The following POU2AF2 variants were observed in gnomAD, a reference collection of about 807,000 sequenced individuals.
POU2AF2 encodes POU domain class 2-associating factor 2.
chr11:111,281,286 C>G, the POU2AF2 span: 1 of 815,904 alleles, frequency 1.2e-6, no homozygotes, highest in Non-Finnish European at 1.9e-6. Flanking sequence ...ACCCAACTCC[C>G]CAGATAATAC....
At chr11:111,252,453 C>T in the POU2AF2 span, among the ~76,000 whole-genome samples, 3 of 152,062 alleles carry the variant, frequency 2.0e-5, no homozygotes, top group African/African-American at 7.2e-5. Context: ...TTGAGAATCA[C>T]CGACGTATAT....
At chr11:111,260,076 G>A in the POU2AF2 span, among the ~76,000 whole-genome samples, 1 of 152,160 alleles carries the variant, frequency 6.6e-6, no homozygotes. Flanking sequence ...TGTCCCTGTT[G>A]CAAACGCAAT....
At chr11:111,271,782 G>A in the POU2AF2 span, among the ~76,000 whole-genome samples, 5 of 152,110 alleles carry the variant, frequency 3.3e-5, no homozygotes, top group South Asian at 2.1e-4. Flanking sequence ...GGAGGCCAAC[G>A]TGGGTGGATC....
chr11:111,283,060 T>TA, the POU2AF2 span, among the ~76,000 whole-genome samples: 2 of 135,208 alleles, frequency 1.5e-5, no homozygotes, highest in African/African-American at 3.4e-5. Context: ...ACTTTTTACT[T>TA]TTTTTTTTTT....
chr11:111,255,163 A>C, the POU2AF2 span, among the ~76,000 whole-genome samples: 3 of 152,220 alleles, frequency 2.0e-5, no homozygotes, highest in Non-Finnish European at 2.9e-5. Flanking sequence ...TGGTGAAAAC[A>C]GCATATTTTT....
the POU2AF2 span, among the ~76,000 whole-genome samples, chr11:111,268,567 T>G: frequency 1.4e-5 from 2 of 146,972 alleles, no homozygotes. Flanking sequence ...GGAGTCTCGC[T>G]CTGTTGCCCA....
At chr11:111,256,170 C>G in the POU2AF2 span, 1 of 398,266 alleles carries the variant, frequency 2.5e-6, no homozygotes, top group Admixed American at 4.4e-5. Context: ...CAATCACCTA[C>G]TTCCTGGGTC....
chr11:111,251,895 C>G, the POU2AF2 span, among the ~76,000 whole-genome samples: 1 of 152,226 alleles, frequency 6.6e-6, no homozygotes, highest in African/African-American at 2.4e-5. Flanking sequence ...TGTTTTATGA[C>G]AAAACTTCAG....
At chr11:111,272,043 T>C in the POU2AF2 span, among the ~76,000 whole-genome samples, 1 of 152,164 alleles carries the variant, frequency 6.6e-6, no homozygotes, top group Admixed American at 6.5e-5. Context: ...ATAACCTGGT[T>C]CCTGCATCTT....
the POU2AF2 span, among the ~76,000 whole-genome samples, chr11:111,274,121 G>A: frequency 6.6e-6 from 1 of 152,116 alleles, no homozygotes; most frequent in Non-Finnish European, 1.5e-5. Flanking sequence ...ACATGCTGAA[G>A]GACCCTGGCT....
At chr11:111,266,020 G>A in the POU2AF2 span, among the ~76,000 whole-genome samples, 7 of 151,842 alleles carry the variant, frequency 4.6e-5, no homozygotes, top group Non-Finnish European at 1.0e-4. Flanking sequence ...CCATTCTGTA[G>A]TACTAAATAT....
the POU2AF2 span, among the ~76,000 whole-genome samples, chr11:111,265,220 A>C: frequency 6.6e-6 from 1 of 152,106 alleles, no homozygotes; most frequent in Non-Finnish European, 1.5e-5. Context: ...ATCCTTCAAA[A>C]TTCAGTTCTC....
At chr11:111,250,263 T>C in the POU2AF2 span, among the ~76,000 whole-genome samples, 1 of 152,240 alleles carries the variant, frequency 6.6e-6, no homozygotes, top group Admixed American at 6.5e-5. Flanking sequence ...CTGGCTAGCC[T>C]CTGTTTTACC....
the POU2AF2 span, among the ~76,000 whole-genome samples, chr11:111,274,014 G>C: frequency 7.2e-5 from 11 of 152,138 alleles, no homozygotes; most frequent in Non-Finnish European, 1.3e-4. Flanking sequence ...ATTTTTTGGA[G>C]GATTTGCAGG....
At chr11:111,254,555 T>A in the POU2AF2 span, among the ~76,000 whole-genome samples, 1 of 152,176 alleles carries the variant, frequency 6.6e-6, no homozygotes, top group African/African-American at 2.4e-5. Context: ...ATGAGGAAAA[T>A]GGAACTGAGA....
the POU2AF2 span, among the ~76,000 whole-genome samples, chr11:111,253,522 G>A: frequency 6.6e-6 from 1 of 152,070 alleles, no homozygotes; most frequent in African/African-American, 2.4e-5. Flanking sequence ...TTTAAATAAT[G>A]TTCAAACCTG....
the POU2AF2 span, among the ~76,000 whole-genome samples, chr11:111,268,369 C>A: frequency 6.6e-6 from 1 of 152,028 alleles, no homozygotes; most frequent in Non-Finnish European, 1.5e-5. Context: ...CTGAACCGAC[C>A]CTACAACATG....
the POU2AF2 span, among the ~76,000 whole-genome samples, chr11:111,272,368 A>G: frequency 5.3e-5 from 8 of 152,172 alleles, no homozygotes; most frequent in Non-Finnish European, 1.0e-4. Flanking sequence ...GTGACCTTGG[A>G]CAAGTCCTTC....
chr11:111,280,057 A>AAATATATATATATATATATATATAT, the POU2AF2 span, among the ~76,000 whole-genome samples: 3 of 76,498 alleles, frequency 3.9e-5, no homozygotes, highest in Non-Finnish European at 5.1e-5. Flanking sequence ...AAAAAAAAAA[A>AAATATATATATATATATATATATAT]ATATATATAT....
Sources: allele counts gnomAD v4.1 joint callset (sites outside exome capture counted in the v4.1 genomes callset), GRCh38; gene constraint gnomAD v4.1.1; transcripts MANE v1.5; gene names NCBI Gene and HGNC (gene_info 2026-07-23, HGNC 2026-07-21).